The following PPFIA2 variants were observed in gnomAD, a reference collection of about 807,000 sequenced individuals.
PPFIA2 encodes liprin-alpha-2.
PPFIA2 carries 46 observed loss-of-function variants against 175.5 expected under a neutral mutation model. The ratio of observed to expected loss-of-function variants is 0.26; its 90% CI spans 0.21 to 0.34. PPFIA2 has a LOEUF of 0.34. Among genes scored for constraint, PPFIA2 ranks in the 10% least tolerant of loss-of-function variants. PPFIA2 has a pLI of 1.00. For synonymous variants in PPFIA2, 568 were observed against 511.4 expected (o/e 1.11, Z -1.49); for missense variants, 1,179 against 1,506.1 (o/e 0.78, Z 3.60).
At chr12:81,354,083 C>A (rs2060481581) in intron 16 of PPFIA2, among the ~76,000 whole-genome samples, 1 of 152,174 alleles carries the variant, frequency 6.6e-6, no homozygotes, top group African/African-American at 2.4e-5. Context: ...GAGTTTTAAT[C>A]TTTTTGCTGG....
chr12:81,366,779 C>A (rs760486201), intron 14 of PPFIA2, among the ~76,000 whole-genome samples: 15 of 151,588 alleles, frequency 9.9e-5, no homozygotes, highest in Non-Finnish European at 1.9e-4. Flanking sequence ...TATTTTAATT[C>A]TATTTATATA....
intron 8 of PPFIA2, among the ~76,000 whole-genome samples, chr12:81,392,357 T>C (rs2040287225): frequency 6.6e-6 from 1 of 151,824 alleles, no homozygotes; most frequent in South Asian, 2.1e-4. Flanking sequence ...GAAAACAATG[T>C]TTGAAATGAC....
At chr12:81,368,516 T>A (rs2034196312) in intron 13 of PPFIA2, among the ~76,000 whole-genome samples, 1 of 151,906 alleles carries the variant, frequency 6.6e-6, no homozygotes, top group East Asian at 1.9e-4. Flanking sequence ...ATATAAAAGA[T>A]TTATATATCA....
chr12:81,551,145 G>A (rs2153368818), intron 4 of PPFIA2, among the ~76,000 whole-genome samples: 1 of 152,078 alleles, frequency 6.6e-6, no homozygotes, highest in South Asian at 2.1e-4. Flanking sequence ...ATTTGGTGTT[G>A]CTGCCAACAC....
At chr12:81,574,534 A>C (rs752064856) in intron 4 of PPFIA2, among the ~76,000 whole-genome samples, 54 of 151,874 alleles carry the variant, frequency 3.6e-4, no homozygotes, top group Non-Finnish European at 6.3e-4. Flanking sequence ...AAAAGATTGC[A>C]TCCTTCTATT....
intron 4 of PPFIA2, chr12:81,545,681 G>A (rs2066883651): frequency 6.6e-6 from 1 of 152,198 alleles, no homozygotes; most frequent in Non-Finnish European, 1.5e-5. Flanking sequence ...GTGAATTTCT[G>A]ACAACGGTGG....
chr12:81,395,318 CAAAT>C (rs1305772979), intron 8 of PPFIA2, among the ~76,000 whole-genome samples: 2 of 152,042 alleles, frequency 1.3e-5, no homozygotes, highest in African/African-American at 2.4e-5. Context: ...AAATAATACA[CAAAT>C]GAATGGAGAC....
At chr12:81,758,660 A>C in intron 1 of PPFIA2, 153 bp from the exon 2 acceptor site, 1 of 332,062 alleles carries the variant, frequency 3.0e-6, no homozygotes, top group Non-Finnish European at 6.0e-6. Context: ...AAAATGGCAT[A>C]TTACAAATTT....
chr12:81,496,060 T>G (rs1567065779), intron 4 of PPFIA2, among the ~76,000 whole-genome samples: 1 of 152,182 alleles, frequency 6.6e-6, no homozygotes, highest in South Asian at 2.1e-4. Flanking sequence ...AGTGTTTTGT[T>G]GTATTGTTTG....
intron 4 of PPFIA2, among the ~76,000 whole-genome samples, chr12:81,643,173 C>T (rs2065589363): frequency 1.3e-5 from 2 of 151,042 alleles, no homozygotes; most frequent in South Asian, 4.2e-4. Context: ...ATAAAATATA[C>T]TATCATTCAA....
intron 3 of PPFIA2, among the ~76,000 whole-genome samples, chr12:81,712,753 C>CTT (rs888094509): frequency 2.1e-5 from 3 of 142,278 alleles, no homozygotes; most frequent in Non-Finnish European, 4.6e-5. Context: ...TGGGACATCA[C>CTT]TTTTTTTTTT....
chr12:81,723,763 C>A (rs1358556317), intron 3 of PPFIA2, among the ~76,000 whole-genome samples: 1 of 150,932 alleles, frequency 6.6e-6, no homozygotes, highest in Non-Finnish European at 1.5e-5. Context: ...GTCTACAAAG[C>A]AAGCTCACTG....
chr12:81,645,962 T>C (rs1046470717), intron 4 of PPFIA2, among the ~76,000 whole-genome samples: 11 of 152,184 alleles, frequency 7.2e-5, no homozygotes, highest in Admixed American at 7.2e-4. Context: ...ATCCAACATT[T>C]AGTCCTGCTT....
rs780299923 is a variant in PPFIA2 at position 81,353,200 on chromosome 12, A to C, written c.1913T>G (p.Leu638Arg). ...RETIFSSMDL[L>R]SPSGHSDAQT... ...GGCATCGGAATGACCACTTGGAGAG[A>C]GAAGATCCATTGAGCTAAAAATTGT... Residue 638 changes from leucine to arginine, a missense_variant, in exon 17 of 33, where the codon CTC becomes CGC. Coordinates refer to ENST00000549396, the MANE Select transcript of PPFIA2 (RefSeq NM_003625.5). The C allele has an allele frequency of 6.2e-7, 1 of 1,613,850 alleles. No homozygotes were observed. Among genetic ancestry groups the C allele is most frequent in the South Asian group, 1.1e-5 (1 of 91,084 alleles).
intron 21 of PPFIA2, among the ~76,000 whole-genome samples, chr12:81,335,121 A>G (rs2056890103): frequency 6.6e-6 from 1 of 152,226 alleles, no homozygotes; most frequent in Non-Finnish European, 1.5e-5. Context: ...AGTAGTGAAC[A>G]ACTCAGTCTT....
chr12:81,290,707 C>T (rs568766202), intron 24 of PPFIA2, among the ~76,000 whole-genome samples: 7 of 151,678 alleles, frequency 4.6e-5, no homozygotes, highest in Admixed American at 2.6e-4. Flanking sequence ...AAGGAGATAA[C>T]CAATGTTGAC....
At chr12:81,302,291 T>G in intron 22 of PPFIA2, 1 of 303,350 alleles carries the variant, frequency 3.3e-6, no homozygotes, top group Admixed American at 4.3e-5. Flanking sequence ...GTACTGATTC[T>G]AGCTGATCCC....
intron 21 of PPFIA2, among the ~76,000 whole-genome samples, chr12:81,329,354 C>G (rs1490678923): frequency 6.6e-6 from 1 of 152,132 alleles, no homozygotes; most frequent in Admixed American, 6.6e-5. Flanking sequence ...AGCAAGGCAG[C>G]CTTCTTGCCC....
intron 21 of PPFIA2, among the ~76,000 whole-genome samples, chr12:81,328,877 C>T (rs1367539354): frequency 6.7e-6 from 1 of 149,768 alleles, no homozygotes; most frequent in Middle Eastern, 3.2e-3. Flanking sequence ...GCAGTGGTGC[C>T]ATCAGAGCTC....
Sources: gnomAD v4.1 joint callset for allele counts (sites outside exome capture counted in the v4.1 genomes callset) on GRCh38, gnomAD v4.1.1 for gene constraint, MANE v1.5 for transcripts, NCBI Gene and HGNC (gene_info 2026-07-23, HGNC 2026-07-21) for gene names.